UBA6: variants seen among roughly 807,000 people sequenced by gnomAD.
UBA6 encodes the protein ubiquitin-like modifier-activating enzyme 6.
In UBA6, 87 loss-of-function variants were observed where a neutral mutation model predicts 148.3. That is an observed-to-expected ratio of 0.59 (90% CI 0.49 to 0.70). The LOEUF (loss-of-function observed/expected upper bound fraction) is 0.70. Ranked by LOEUF, UBA6 falls within the 30% of genes least tolerant of loss-of-function variation. The pLI, the probability that UBA6 is intolerant of heterozygous loss-of-function variation, is 0.00. For synonymous variants in UBA6, 376 were observed against 401.0 expected, an observed-to-expected ratio of 0.94 and a Z score of 0.75; for missense variants, 1,186 against 1,241.2, an observed-to-expected ratio of 0.96 and a Z score of 0.67.
intron 2 of UBA6, among the ~76,000 whole-genome samples, chr4:67,683,491 T>C (rs1730488971): frequency 6.6e-6 from 1 of 152,200 alleles, no homozygotes; most frequent in South Asian, 2.1e-4. Context: ...GTCCACAGGC[T>C]GCATGCGGCC....
chr4:67,682,262 T>A, intron 2 of UBA6, 49 bp from the exon 3 acceptor site: 1 of 1,398,084 alleles, frequency 7.2e-7, no homozygotes, highest in South Asian at 1.2e-5. Flanking sequence ...ACTGAAATTA[T>A]AATATCTCTT....
At chr4:67,628,964 G>A (rs1183509586) in intron 27 of UBA6, 107 bp downstream of exon 27, 2 of 780,494 alleles carry the variant, frequency 2.6e-6, no homozygotes, top group South Asian at 1.5e-5. Context: ...ACTGACAAGA[G>A]CAAGAGCAAG....
intron 15 of UBA6, 66 bp downstream of exon 15, chr4:67,646,658 A>G: frequency 8.5e-7 from 1 of 1,178,508 alleles, no homozygotes; most frequent in Non-Finnish European, 1.2e-6. Flanking sequence ...AAACAAAGGT[A>G]TGTTTAGACA....
intron 4 of UBA6, among the ~76,000 whole-genome samples, chr4:67,679,165 T>C (rs1157645910): frequency 6.6e-6 from 1 of 152,154 alleles, no homozygotes; most frequent in African/African-American, 2.4e-5. Flanking sequence ...AGTAGAGCAC[T>C]TTATATGAGA....
rs374538899 is a variant in UBA6 at position 67,626,313 on chromosome 4, T to C, written c.2518+47A>G. The C allele has an allele frequency of 4.3e-5, 51 of 1,180,604 alleles. No individual in the cohort carries two copies. The Middle Eastern group carries it at 1.1e-3, about 26-fold the overall frequency. The allele number at this position is 1,180,604 out of a possible 1,614,324, so 73.1% of individuals were successfully genotyped here. A position where few individuals can be genotyped will look rare whatever the true frequency, so the allele number is the denominator to read the frequency against. On this transcript the variant is annotated intron_variant, in intron 28 of 32. Coordinates refer to ENST00000322244, the MANE Select transcript of UBA6 (RefSeq NM_018227.6). ...TCTTAGGTGTAGAGCTTAGTGAAAA[T>C]AAAAACTCATCCAGTTCAAAACATT...
At chr4:67,639,257 A>T in intron 18 of UBA6, 133 bp from the exon 19 acceptor site, 1 of 616,326 alleles carries the variant, frequency 1.6e-6, no homozygotes, top group Non-Finnish European at 2.6e-6. Context: ...GAGTAATGAG[A>T]CCAGTTTTCA....
intron 14 of UBA6, 91 bp from the exon 15 acceptor site, chr4:67,646,882 GA>G: frequency 8.7e-6 from 5 of 573,556 alleles, no homozygotes; most frequent in South Asian, 8.5e-5. Context: ...TAGTCATGAA[GA>G]AAAAAATGAT....
At chr4:67,633,954 C>T (rs1286859194) in intron 22 of UBA6, among the ~76,000 whole-genome samples, 1 of 151,900 alleles carries the variant, frequency 6.6e-6, no homozygotes, top group Non-Finnish European at 1.5e-5. Context: ...AATAAAAGCC[C>T]TTTTATTATT....
intron 9 of UBA6, among the ~76,000 whole-genome samples, chr4:67,668,223 C>T (rs1390460540): frequency 1.3e-5 from 2 of 152,120 alleles, no homozygotes; most frequent in Admixed American, 6.6e-5. Context: ...CTTGCATCTG[C>T]GCCTTTTCTG....
rs748537730 is a variant in UBA6 at position 67,626,341 on chromosome 4, TATAA to T, written c.2518+15_2518+18del. The T allele has an allele frequency of 6.6e-6, 10 of 1,520,172 alleles. No individual in the cohort carries two copies. The highest frequency in any genetic ancestry group is 8.2e-6 in the Non-Finnish European group (9 of 1,096,850). The allele number at this position is 1,520,172 out of a possible 1,614,324, so 94.2% of individuals were successfully genotyped here. The stretch of plus-strand genomic sequence containing the variant: ...AAACTCATCCAGTTCAAAACATTTT[TATAA>T]AGATTTTCCCTTACTTTTGGTGGCT... On this transcript the variant is annotated intron_variant, in intron 28 of 32. Coordinates refer to ENST00000322244, the MANE Select transcript of UBA6 (RefSeq NM_018227.6).
rs1343335463 is a variant in UBA6 at position 67,684,227 on chromosome 4, C to T, written c.135-2014G>A. Reference sequence around the variant, plus strand: ...TAGAAGGGCATGCTTACAGGGCTGGCCCTTGGTTGGCACTTGTAAACTTGG... The same window carrying T: ...TAGAAGGGCATGCTTACAGGGCTGGTCCTTGGTTGGCACTTGTAAACTTGG... On this transcript the variant is annotated intron_variant, in intron 2 of 32. Coordinates refer to ENST00000322244, the MANE Select transcript of UBA6 (RefSeq NM_018227.6). Among the ~76,000 whole-genome samples the T allele has an allele frequency of 2.6e-5, 4 of 152,282 alleles. No individual in the cohort carries two copies. The East Asian group carries it at 7.7e-4, about 29-fold the overall frequency.
intron 8 of UBA6, 83 bp downstream of exon 8, chr4:67,670,386 CT>C: frequency 8.0e-7 from 1 of 1,255,362 alleles, no homozygotes; most frequent in Non-Finnish European, 1.1e-6. Context: ...CACTGCAATA[CT>C]TTGCTGATAC....
intron 22 of UBA6, among the ~76,000 whole-genome samples, chr4:67,633,990 T>C (rs1729062730): frequency 6.6e-6 from 1 of 152,052 alleles, no homozygotes; most frequent in Non-Finnish European, 1.5e-5. Flanking sequence ...ATAATTATCA[T>C]ATCTTTATTA....
rs1728621948 is a variant in UBA6 at position 67,616,147 on chromosome 4, AGC to A, written c.*2848_*2849del. Reference sequence around the variant, plus strand: ...TGGATACTTAACTCTGATCCTCAAGAGCTCAACTCTGATTTTTTTTTTTTCAG... The same window carrying A: ...TGGATACTTAACTCTGATCCTCAAGATCAACTCTGATTTTTTTTTTTTCAG... On this transcript the variant is annotated 3_prime_UTR_variant, in exon 33 of 33. Transcript: ENST00000322244. The A allele has an allele frequency of 2.5e-6, 1 of 396,484 alleles. No homozygotes were observed. Among genetic ancestry groups the A allele is most frequent in the Non-Finnish European group, 4.4e-6 (1 of 225,050 alleles). The allele number at this position is 396,484 out of a possible 1,614,324, so 24.6% of individuals were successfully genotyped here. A position where few individuals can be genotyped will look rare whatever the true frequency, so the allele number is the denominator to read the frequency against.
chr4:67,619,598 C>T (rs564949911), intron 32 of UBA6, among the ~76,000 whole-genome samples: 47 of 152,304 alleles, frequency 3.1e-4, no homozygotes, highest in Non-Finnish European at 4.9e-4. Context: ...ATTGCTTGAA[C>T]CTGGGAGACA....
At chr4:67,685,991 T>C (rs1730549106) in intron 2 of UBA6, among the ~76,000 whole-genome samples, 4 of 152,216 alleles carry the variant, frequency 2.6e-5, no homozygotes. Context: ...AAATGACACT[T>C]AAATGCTGTG....
chr4:67,662,289 T>C (rs1729879426), intron 12 of UBA6, 34 bp from the exon 13 acceptor site: 1 of 1,584,480 alleles, frequency 6.3e-7, no homozygotes. Flanking sequence ...TAACTTTAAT[T>C]TTCTCAACTG....
chr4:67,652,334 A>G (rs965504384), intron 13 of UBA6, among the ~76,000 whole-genome samples: 5 of 152,260 alleles, frequency 3.3e-5, no homozygotes, highest in African/African-American at 1.2e-4. Context: ...TAAGCATATT[A>G]AAAGATATTC....
chr4:67,626,753 A>G (rs1157836219), intron 27 of UBA6, among the ~76,000 whole-genome samples: 1 of 151,920 alleles, frequency 6.6e-6, no homozygotes, highest in South Asian at 2.1e-4. Flanking sequence ...GAACTCCAAT[A>G]TATCTAATTT....
Sources: allele counts gnomAD v4.1 joint callset (sites outside exome capture counted in the v4.1 genomes callset), GRCh38; gene constraint gnomAD v4.1.1; transcripts MANE v1.5; gene names NCBI Gene and HGNC (gene_info 2026-07-23, HGNC 2026-07-21).